The following TOGARAM1 variants were observed in gnomAD, a reference collection of about 807,000 sequenced individuals.
TOGARAM1 encodes TOG array regulator of axonemal microtubules protein 1.
Under a neutral mutation model 166.6 loss-of-function variants are expected in TOGARAM1, and 100 were observed. The ratio of observed to expected loss-of-function variants is 0.60; its 90% CI spans 0.51 to 0.71. The LOEUF (loss-of-function observed/expected upper bound fraction) is 0.71, where lower values mean the gene tolerates loss of function less well. TOGARAM1 is among the 30% of genes least tolerant of loss of function. TOGARAM1 has a pLI of 0.00. For synonymous variants in TOGARAM1, 758 were observed against 763.8 expected (o/e 0.99, Z 0.13); for missense variants, 2,029 against 2,102.7 (o/e 0.96, Z 0.69).
chr14:45,043,786 C>A lies in TOGARAM1; in HGVS notation c.3913C>A (p.Gln1305Lys). 1 of 1,580,166 alleles carries A rather than the reference C, an allele frequency of 6.3e-7. No homozygotes were observed. Among genetic ancestry groups the A allele is most frequent in the South Asian group, 1.1e-5 (1 of 90,298 alleles). The stretch of plus-strand genomic sequence containing the variant: ...GCATGAAACAAATTTTGCAGTTGTT[C>A]AAGAGGTAAACTTATTTTTCAGATG... ...KLHETNFAVV[Q>K]EVKNLRSGVS... The change falls in exon 12 of 20, where the codon CAA becomes AAA. Residue 1305 changes from glutamine to lysine, a missense_variant. Physicochemically the swap from Gln to Lys is moderately conservative, Grantham distance 53 (BLOSUM62 1). Transcript: ENST00000361462.
chr14:45,024,881 T>C (rs538092820), intron 7 of TOGARAM1, among the ~76,000 whole-genome samples: 1 of 152,368 alleles, frequency 6.6e-6, no homozygotes, highest in East Asian at 1.9e-4. Context: ...TTGATTGACT[T>C]TATCACTGTT....
At chr14:45,018,911 T>G (rs1187721879) in intron 7 of TOGARAM1, among the ~76,000 whole-genome samples, 1 of 152,250 alleles carries the variant, frequency 6.6e-6, no homozygotes, top group Non-Finnish European at 1.5e-5. Context: ...TCACTGCTAG[T>G]GGCTTCCTTT....
chr14:45,016,933 T>A (rs1880179490), intron 7 of TOGARAM1, among the ~76,000 whole-genome samples: 1 of 152,182 alleles, frequency 6.6e-6, no homozygotes, highest in East Asian at 1.9e-4. Context: ...ATTGCTTGAA[T>A]CATTCAGATA....
At chr14:45,018,166 A>G (rs997860007) in intron 7 of TOGARAM1, among the ~76,000 whole-genome samples, 1 of 152,198 alleles carries the variant, frequency 6.6e-6, no homozygotes, top group Admixed American at 6.5e-5. Flanking sequence ...TATGTAAGTA[A>G]ATAAAAAGCT....
chr14:44,977,741 G>C (rs1886287977), intron 1 of TOGARAM1, among the ~76,000 whole-genome samples: 1 of 151,792 alleles, frequency 6.6e-6, no homozygotes, highest in African/African-American at 2.4e-5. Context: ...CACCTCCCAG[G>C]GTCAAGCGAT....
At chr14:45,032,624 A>G (rs1280945425) in intron 11 of TOGARAM1, among the ~76,000 whole-genome samples, 2 of 152,156 alleles carry the variant, frequency 1.3e-5, no homozygotes, top group Admixed American at 1.3e-4. Flanking sequence ...GATTATGTAA[A>G]CCCTTTGATA....
rs756124437 is a variant in TOGARAM1, at chr14:45,015,578, C to CT, written c.3238+3517dup. 3.4e-3 allele frequency among the ~76,000 whole-genome samples: 438 copies of CT among 130,008 alleles called. 3 individuals carry two copies. The highest frequency in any genetic ancestry group is 0.01 in the African/African-American group (360 of 35,350). The allele number at this position is 130,008 out of a possible 152,430, so 85.3% of individuals were successfully genotyped here. A position where few individuals can be genotyped will look rare whatever the true frequency, so the allele number is the denominator to read the frequency against. ...GAAGGAGACCTACATTAGGGTTTTGCTTTTTTTTTTTTTTAAATTACGGAT... is the reference window on the plus strand; with the variant it reads ...GAAGGAGACCTACATTAGGGTTTTGCTTTTTTTTTTTTTTTAAATTACGGAT... On this transcript the variant is annotated intron_variant, in intron 7 of 19. Transcript: ENST00000361462.
Position 45,044,779 on chromosome 14 carries a change from A to T in TOGARAM1, c.4063A>T (p.Ile1355Leu). The T allele has an allele frequency of 6.2e-7, 1 of 1,614,162 alleles. No homozygotes were observed. Among genetic ancestry groups the T allele is most frequent in the Non-Finnish European group, 8.5e-7 (1 of 1,180,028 alleles). ...LHKAGESNTFIREDVDKALRA... is the reference protein window; with the variant it reads ...LHKAGESNTFLREDVDKALRA... ...CAAGGCTGGTGAATCAAATACATTT[A>T]TAAGAGAAGATGTTGACAAAGCATT... The change falls in exon 13 of 20, where the codon ATA becomes TTA. Residue 1355 changes from isoleucine to leucine, a missense_variant. Ile to Leu is a conservative substitution (Grantham distance 5). Around this residue, in one of 2 missense-constraint regions of TOGARAM1, gnomAD observed 576 missense variants for 670.5 expected, o/e 0.86. Coordinates refer to ENST00000361462, the MANE Select transcript of TOGARAM1 (RefSeq NM_001308120.2).
At chr14:45,011,146 A>G (rs1879764641) in intron 6 of TOGARAM1, among the ~76,000 whole-genome samples, 1 of 152,200 alleles carries the variant, frequency 6.6e-6, no homozygotes, top group Non-Finnish European at 1.5e-5. Flanking sequence ...ATAGGTATTT[A>G]TAATGTCAGG....
At position 44,962,329 on chromosome 14, in the gene TOGARAM1, TG is replaced by T; in HGVS notation, c.-89del. On this transcript the variant is annotated 5_prime_UTR_variant, in exon 1 of 20. Coordinates refer to ENST00000361462, the MANE Select transcript of TOGARAM1 (RefSeq NM_001308120.2). ...CTGTTCTTTTGCCTCTTCTGCAGCTTGGGGCTTGGAGAGGATCTGGAAGTCT... is the reference window on the plus strand; with the variant it reads ...CTGTTCTTTTGCCTCTTCTGCAGCTTGGGCTTGGAGAGGATCTGGAAGTCT... 2 of 1,417,174 alleles carry T rather than the reference TG, an allele frequency of 1.4e-6. No individual in the cohort carries two copies. Among genetic ancestry groups the T allele is most frequent in the East Asian group, 2.4e-5 (1 of 41,190 alleles). The allele number at this position is 1,417,174 out of a possible 1,614,324, so 87.8% of individuals were successfully genotyped here. A position where few individuals can be genotyped will look rare whatever the true frequency, so the allele number is the denominator to read the frequency against.
chr14:45,046,892 A>G (rs1303244128), intron 14 of TOGARAM1, among the ~76,000 whole-genome samples, 189 bp downstream of exon 14: 2 of 152,134 alleles, frequency 1.3e-5, no homozygotes, highest in Admixed American at 6.6e-5. Context: ...GAATTCTCCA[A>G]ATTTACAGAT....
At chr14:44,973,162 G>T (rs1331200369) in intron 1 of TOGARAM1, among the ~76,000 whole-genome samples, 1 of 151,612 alleles carries the variant, frequency 6.6e-6, no homozygotes, top group African/African-American at 2.4e-5. Context: ...CTGTTTTTTG[G>T]CTCCTTGTGG....
chr14:44,965,006 C>CA (rs1354883492), intron 1 of TOGARAM1, among the ~76,000 whole-genome samples: 1 of 115,148 alleles, frequency 8.7e-6, no homozygotes, highest in African/African-American at 3.3e-5. Context: ...GAAGATACAA[C>CA]ATTTGAACTG....
chr14:45,022,228 C>T (rs1446766627), intron 7 of TOGARAM1, among the ~76,000 whole-genome samples: 1 of 151,856 alleles, frequency 6.6e-6, no homozygotes, highest in Non-Finnish European at 1.5e-5. Context: ...ATTTCATGAA[C>T]TAGTGCCTTT....
At chr14:45,025,977 C>A in intron 8 of TOGARAM1, 105 bp downstream of exon 8, 1 of 567,366 alleles carries the variant, frequency 1.8e-6, no homozygotes, top group South Asian at 2.6e-5. Context: ...TTGAGTGGAA[C>A]TTCTTTTTAA....
intron 16 of TOGARAM1, among the ~76,000 whole-genome samples, chr14:45,057,082 T>G (rs1178481539): frequency 1.3e-5 from 2 of 152,204 alleles, no homozygotes; most frequent in African/African-American, 2.4e-5. Context: ...GGATTTCTGT[T>G]TCTTCCTAGT....
chr14:44,970,819 A>G lies in TOGARAM1; in HGVS notation c.2046+6352A>G, dbSNP rs916115712. 7.9e-5 allele frequency among the ~76,000 whole-genome samples: 12 copies of G among 152,168 alleles called. No homozygotes were observed. The South Asian group carries it at 1.5e-3, about 18-fold the overall frequency. On this transcript the variant is annotated intron_variant, in intron 1 of 19. Coordinates refer to ENST00000361462, the MANE Select transcript of TOGARAM1 (RefSeq NM_001308120.2). ...TATGTGATTTTTCTTCTTAAACCTG[A>G]TGATGTGATGGGTTATATTAATTGA...
chr14:45,035,582 C>T (rs974801373), intron 11 of TOGARAM1, among the ~76,000 whole-genome samples: 1 of 151,830 alleles, frequency 6.6e-6, no homozygotes, highest in Non-Finnish European at 1.5e-5. Flanking sequence ...GAACACCAAA[C>T]ACAAGAAACA....
chr14:45,048,456 C>T (rs990332281), intron 14 of TOGARAM1, among the ~76,000 whole-genome samples: 10 of 151,540 alleles, frequency 6.6e-5, no homozygotes, highest in Non-Finnish European at 1.3e-4. Context: ...TATTATGGAA[C>T]TCATTATACC....
Sources: allele counts gnomAD v4.1 joint callset (sites outside exome capture counted in the v4.1 genomes callset), GRCh38; gene constraint gnomAD v4.1.1; regional missense constraint gnomAD v4.1.1; transcripts MANE v1.5; gene names NCBI Gene and HGNC (gene_info 2026-07-23, HGNC 2026-07-21).